Variants in ADGRG6 observed in about 807,000 individuals in gnomAD.
ADGRG6 encodes adhesion G protein-coupled receptor G6.
Under a neutral mutation model 142.4 loss-of-function variants are expected in ADGRG6, and 84 were observed. That is an observed-to-expected ratio of 0.59 (90% CI 0.49 to 0.71). The LOEUF is 0.71. Ranked by LOEUF, ADGRG6 falls within the 30% of genes least tolerant of loss-of-function variation. ADGRG6 has a pLI of 0.00. For synonymous variants in ADGRG6, 521 were observed against 520.5 expected (o/e 1.00, Z -0.01); for missense variants, 1,367 against 1,466.6 (o/e 0.93, Z 1.11).
chr6:142,383,789 C>T lies in ADGRG6; in HGVS notation c.1168C>T (p.Pro390Ser), dbSNP rs1200693443. ...ATVNSPSTTP[P>S]TVTTNMPVTN... ...TGTAAACTCTCCTAGTACTACACCA[C>T]CCACTGTCACCACTAACATGCCTGT... The change falls in exon 6 of 25, where the codon CCC becomes TCC. Residue 390 changes from proline to serine, a missense_variant. Physicochemically the swap from Pro to Ser is moderately conservative, Grantham distance 74 (BLOSUM62 -1). This residue lies in a region of ADGRG6 where 737 missense variants were observed against 746.5 expected (regional missense o/e 0.99). Transcript: ENST00000367609. 3.8e-6 allele frequency: 6 copies of T among 1,576,212 alleles called. No individual in the cohort carries two copies. The highest frequency in any genetic ancestry group is 4.4e-6 in the Non-Finnish European group (5 of 1,146,214).
chr6:142,322,259 G>A (rs957361050), intron 2 of ADGRG6, among the ~76,000 whole-genome samples: 4 of 152,030 alleles, frequency 2.6e-5, no homozygotes, highest in Admixed American at 6.6e-5. Context: ...TATTAGCCAC[G>A]CATGGTAGCA....
chr6:142,403,017 T>C (rs1168999520), intron 13 of ADGRG6, among the ~76,000 whole-genome samples, 187 bp downstream of exon 13: 1 of 151,988 alleles, frequency 6.6e-6, no homozygotes. Context: ...GTTTTTTTTT[T>C]TGAGAAATAC....
intron 21 of ADGRG6, among the ~76,000 whole-genome samples, chr6:142,417,974 A>G (rs1776450131): frequency 6.6e-6 from 1 of 152,098 alleles, no homozygotes; most frequent in Admixed American, 6.6e-5. Flanking sequence ...ATCATGCCAC[A>G]TATCTATGCA....
rs966738786 is a variant in ADGRG6, at chr6:142,414,496, C to T, written c.2542-473C>T. 3.9e-5 allele frequency among the ~76,000 whole-genome samples: 6 copies of T among 152,310 alleles called. No individual in the cohort carries two copies. In the East Asian group the frequency reaches 1.2e-3, roughly 29 times the overall value. On this transcript the variant is annotated intron_variant, in intron 18 of 24. Transcript: ENST00000367609. ...CACCCTTAGAGCCTGGCAGTCACAG[C>T]ACCAGCACCAGCCTCTGGCTGAGCT...
chr6:142,431,094 G>T (rs1018047827), intron 22 of ADGRG6, among the ~76,000 whole-genome samples: 1 of 147,768 alleles, frequency 6.8e-6, no homozygotes, highest in African/African-American at 2.5e-5. Flanking sequence ...CACAATTACA[G>T]TTTTTTTTTT....
In ADGRG6 at chr6:142,438,286, A is replaced by C; in HGVS notation, c.3496A>C (p.Ile1166Leu). ...NLGKSLSSSS[I>L]GSNSTYLTSK... ...AGGAAAATCTTTGTCTTCAAGCTCCATTGGTTCCAACTCAACCTATCTTAC... is the reference window on the plus strand; with the variant it reads ...AGGAAAATCTTTGTCTTCAAGCTCCCTTGGTTCCAACTCAACCTATCTTAC... Residue 1166 changes from isoleucine to leucine, a missense_variant, in exon 24 of 25, where the codon ATT (isoleucine) becomes CTT (leucine). Ile to Leu is a conservative substitution (Grantham distance 5). Transcript: ENST00000367609. The C allele has an allele frequency of 6.2e-7, 1 of 1,605,682 alleles. No individual in the cohort carries two copies.
intron 10 of ADGRG6, among the ~76,000 whole-genome samples, chr6:142,399,389 A>G (rs1775382253): frequency 6.6e-6 from 1 of 152,168 alleles, no homozygotes; most frequent in South Asian, 2.1e-4. Context: ...CTGAGTCTCT[A>G]TGGGAAAATA....
intron 22 of ADGRG6, 32 bp downstream of exon 22, chr6:142,420,136 T>C (rs780533375): frequency 6.4e-7 from 1 of 1,551,594 alleles, no homozygotes; most frequent in South Asian, 1.2e-5. Flanking sequence ...TAGTCTCTGC[T>C]TTCTAATTTT....
chr6:142,341,590 T>TATAA lies in ADGRG6; in HGVS notation c.104-25979_104-25978insATAA, dbSNP rs573590081. Among the ~76,000 whole-genome samples, 847 of 123,146 alleles carry TATAA rather than the reference T, an allele frequency of 6.9e-3. 17 individuals carry two copies. Among genetic ancestry groups the TATAA allele is most frequent in the African/African-American group, 0.025 (782 of 31,856 alleles). 80.8% of individuals were successfully genotyped at this position (123,146 alleles called of 152,430 possible). A position where few individuals can be genotyped will look rare whatever the true frequency, so the allele number is the denominator to read the frequency against. The stretch of plus-strand genomic sequence containing the variant: ...ATAATATTATGTAGTATATATAATA[T>TATAA]TATATATTATATATACTATATAATA... On this transcript the variant is annotated intron_variant, in intron 2 of 24. Coordinates refer to ENST00000367609, the MANE Select transcript of ADGRG6 (RefSeq NM_198569.3).
chr6:142,325,903 T>C (rs1193199343), intron 2 of ADGRG6, among the ~76,000 whole-genome samples: 1 of 151,976 alleles, frequency 6.6e-6, no homozygotes, highest in East Asian at 1.9e-4. Context: ...AGAATATAAT[T>C]CAGTAGCAAA....
rs1775620684 is a variant in ADGRG6, at chr6:142,403,156, A to G, written c.1955+326A>G. On this transcript the variant is annotated intron_variant, in intron 13 of 24. Transcript: ENST00000367609. ...CCAGTAGAGTTATGCATAACTGATC[A>G]TTATAAGTCCACTATACTGTGAACT... Among the ~76,000 whole-genome samples the G allele has an allele frequency of 1.3e-5, 2 of 152,152 alleles. 1 individual carries two copies. The highest frequency in any genetic ancestry group is 4.1e-4 in the South Asian group (2 of 4,824).
intron 4 of ADGRG6, among the ~76,000 whole-genome samples, chr6:142,371,121 T>A (rs1048897871): frequency 1.3e-5 from 2 of 152,100 alleles, no homozygotes; most frequent in African/African-American, 4.8e-5. Context: ...CAAATACAAA[T>A]GTTAACACTA....
intron 22 of ADGRG6, among the ~76,000 whole-genome samples, chr6:142,434,722 A>T (rs1207808961): frequency 6.6e-6 from 1 of 152,124 alleles, no homozygotes; most frequent in Non-Finnish European, 1.5e-5. Context: ...ATATGTAATG[A>T]TTCTTCAGTA....
At chr6:142,343,021 A>G (rs1402048153) in intron 2 of ADGRG6, among the ~76,000 whole-genome samples, 1 of 151,706 alleles carries the variant, frequency 6.6e-6, no homozygotes, top group Non-Finnish European at 1.5e-5. Context: ...AAACTTTTAT[A>G]TATGGTAAAA....
rs781032428 is a variant in ADGRG6, at chr6:142,443,388, A to G, written c.3626A>G (p.Asp1209Gly). The change falls in exon 25 of 25, where the codon GAT becomes GGT. Residue 1209 changes from aspartate (D) to glycine (G), a missense_variant. Physicochemically the swap from Asp to Gly is moderately conservative, Grantham distance 94. Around this residue, in one of 3 missense-constraint regions of ADGRG6, gnomAD observed 344 missense variants for 348.7 expected, o/e 0.99. Transcript: ENST00000367609. ...SLSKLAHADG[D>G]QTSIIPVHQV... ...TCAAAACTGGCCCATGCTGATGGAGATCAAACATCAATCATCCCTGTCCAT... is the reference window on the plus strand; with the variant it reads ...TCAAAACTGGCCCATGCTGATGGAGGTCAAACATCAATCATCCCTGTCCAT... The G allele has an allele frequency of 1.9e-6, 3 of 1,612,464 alleles. No individual in the cohort carries two copies. The highest frequency in any genetic ancestry group is 2.5e-6 in the Non-Finnish European group (3 of 1,178,732).
intron 2 of ADGRG6, among the ~76,000 whole-genome samples, chr6:142,318,949 C>A (rs115505706): frequency 0.012 from 1,868 of 152,174 alleles, 17 homozygotes; most frequent in Middle Eastern, 0.099. Context: ...TCCCCACTAG[C>A]TACAGTTCTG....
intron 2 of ADGRG6, among the ~76,000 whole-genome samples, chr6:142,318,272 T>A (rs867183889): frequency 3.9e-4 from 28 of 71,848 alleles, no homozygotes; most frequent in Middle Eastern, 8.1e-3. Context: ...TTATATATAT[T>A]TATATTATAT....
intron 2 of ADGRG6, among the ~76,000 whole-genome samples, chr6:142,358,798 G>A (rs957624340): frequency 5.3e-5 from 8 of 151,742 alleles, no homozygotes; most frequent in South Asian, 2.1e-4. Context: ...CTAACTACTC[G>A]GGAGGCTGAG....
chr6:142,349,063 T>C (rs1026671554), intron 2 of ADGRG6, among the ~76,000 whole-genome samples: 4 of 152,226 alleles, frequency 2.6e-5, no homozygotes, highest in African/African-American at 9.6e-5. Flanking sequence ...CCAATCTAGT[T>C]AGGTGGTGAG....
Sources: gnomAD v4.1 joint callset for allele counts (sites outside exome capture counted in the v4.1 genomes callset) on GRCh38, gnomAD v4.1.1 for gene constraint, gnomAD v4.1.1 regional missense constraint, MANE v1.5 for transcripts, NCBI Gene and HGNC (gene_info 2026-07-23, HGNC 2026-07-21) for gene names.